The following DLG2 variants were observed in gnomAD, a reference collection of about 807,000 sequenced individuals.
The protein encoded by DLG2 is discs large MAGUK scaffold protein 2, also known as disks large homolog 2.
Under a neutral mutation model 132.5 loss-of-function variants are expected in DLG2, and 45 were observed. That is an observed-to-expected ratio of 0.34 (90% CI 0.27 to 0.44). DLG2 has a LOEUF of 0.44. Ranked by LOEUF, DLG2 falls within the 20% of genes least tolerant of loss-of-function variation. The pLI is 1.00. For missense variants in DLG2, 1,045 were observed against 1,196.9 expected (o/e 0.87, Z 1.87); for synonymous variants, 424 against 419.6 (o/e 1.01, Z -0.13).
intron 11 of DLG2, among the ~76,000 whole-genome samples, chr11:83,986,159 T>G (rs1319237108): frequency 2.6e-5 from 4 of 151,710 alleles, no homozygotes; most frequent in South Asian, 2.1e-4. Context: ...GCTGCACCCA[T>G]TAACTCGTCA....
chr11:84,603,593 A>C (rs1371879902), intron 6 of DLG2, among the ~76,000 whole-genome samples: 2 of 151,956 alleles, frequency 1.3e-5, no homozygotes, highest in African/African-American at 4.8e-5. Flanking sequence ...CTAGTCACTC[A>C]TCCTCTTAAT....
chr11:83,542,475 G>A (rs189685309), intron 19 of DLG2, among the ~76,000 whole-genome samples: 415 of 152,238 alleles, frequency 2.7e-3, no homozygotes, highest in East Asian at 4.4e-3. Flanking sequence ...AAATCTATGC[G>A]TATGTGTGTG....
chr11:84,874,850 G>A (rs541109610), intron 6 of DLG2, among the ~76,000 whole-genome samples: 8 of 151,892 alleles, frequency 5.3e-5, no homozygotes, highest in Non-Finnish European at 8.8e-5. Context: ...GTGAAACCCC[G>A]TCTCCACTAA....
intron 7 of DLG2, among the ~76,000 whole-genome samples, chr11:84,283,843 T>C (rs1404822469): frequency 6.6e-6 from 1 of 152,148 alleles, no homozygotes; most frequent in Non-Finnish European, 1.5e-5. Context: ...CCTAAATAGA[T>C]AAAAGCTAAT....
chr11:85,274,175 G>A (rs925520684), intron 4 of DLG2, among the ~76,000 whole-genome samples: 6 of 152,222 alleles, frequency 3.9e-5, no homozygotes, highest in Admixed American at 3.9e-4. Context: ...AATGGGTGCA[G>A]CACACCAACA....
At chr11:84,644,839 G>A (rs1031150847) in intron 6 of DLG2, among the ~76,000 whole-genome samples, 3 of 152,098 alleles carry the variant, frequency 2.0e-5, no homozygotes, top group Admixed American at 6.5e-5. Context: ...GTGCCTGAGC[G>A]CTGTGTGGCT....
At chr11:84,955,685 C>T (rs1262469297) in intron 6 of DLG2, 1 of 152,148 alleles carries the variant, frequency 6.6e-6, no homozygotes, top group Non-Finnish European at 1.5e-5. Context: ...TGTGCTTTCT[C>T]AATAAATGAT....
At chr11:85,498,902 G>T (rs1022806676) in intron 3 of DLG2, among the ~76,000 whole-genome samples, 1 of 152,148 alleles carries the variant, frequency 6.6e-6, no homozygotes, top group Non-Finnish European at 1.5e-5. Context: ...TGAGAACAAG[G>T]ACACCATGTA....
intron 7 of DLG2, among the ~76,000 whole-genome samples, chr11:84,424,857 C>T (rs185487500): frequency 6.4e-4 from 98 of 152,060 alleles, no homozygotes; most frequent in African/African-American, 2.3e-3. Flanking sequence ...GGTGTGCAAT[C>T]AGGCATGATC....
Position 83,457,207 on chromosome 11 carries a change from A to G in DLG2, c.*2611T>C, listed in dbSNP as rs1009554687. ...AGCACCAGTCTGGCCCCAGGCTCCG[A>G]GTGCATTTGCACCAGATGTAATCTG... On this transcript the variant is annotated 3_prime_UTR_variant, in exon 28 of 28. Coordinates refer to ENST00000376104, the MANE Select transcript of DLG2 (RefSeq NM_001142699.3). 6.6e-6 allele frequency: 1 copy of G among 152,608 alleles called. No individual in the cohort carries two copies. Among genetic ancestry groups the G allele is most frequent in the Non-Finnish European group, 1.5e-5 (1 of 68,042 alleles). 9.5% of individuals were successfully genotyped at this position (152,608 alleles called of 1,614,324 possible).
intron 4 of DLG2, among the ~76,000 whole-genome samples, chr11:85,226,048 T>C (rs1049018193): frequency 6.6e-6 from 1 of 152,026 alleles, no homozygotes; most frequent in Non-Finnish European, 1.5e-5. Context: ...TTAATCAAAA[T>C]TGAATTTCCA....
At chr11:85,422,987 G>C (rs1158358069) in intron 3 of DLG2, among the ~76,000 whole-genome samples, 2 of 151,198 alleles carry the variant, frequency 1.3e-5, no homozygotes, top group African/African-American at 2.4e-5. Flanking sequence ...TTTTGAGCTA[G>C]TGTGATTTCT....
At position 84,550,520 on chromosome 11, in the gene DLG2, T is replaced by G. The variant is rs139580210; in HGVS notation, c.358-15789A>C. Among the ~76,000 whole-genome samples the G allele has an allele frequency of 6.6e-5, 10 of 152,258 alleles. No individual in the cohort carries two copies. In the East Asian group the frequency reaches 1.9e-3, roughly 29 times the overall value. On this transcript the variant is annotated intron_variant, in intron 6 of 27. Transcript: ENST00000376104. ...AAGCTACTCTTCCTAACCATGTGAG[T>G]TTTTGGACTTCAGAACCTACCTGTG...
chr11:84,928,049 A>G (rs760351261), intron 6 of DLG2, among the ~76,000 whole-genome samples: 1 of 151,962 alleles, frequency 6.6e-6, no homozygotes, highest in African/African-American at 2.4e-5. Flanking sequence ...AAATAGGAAG[A>G]TATCAACTCC....
chr11:83,498,299 T>C (rs1248038544), intron 21 of DLG2, among the ~76,000 whole-genome samples: 3 of 152,096 alleles, frequency 2.0e-5, no homozygotes, highest in Non-Finnish European at 4.4e-5. Flanking sequence ...CCAATTTTAA[T>C]AGTAATAGAC....
chr11:84,538,278 A>T (rs1381158987), intron 6 of DLG2, among the ~76,000 whole-genome samples: 1 of 152,216 alleles, frequency 6.6e-6, no homozygotes, highest in Non-Finnish European at 1.5e-5. Flanking sequence ...AGAGGGGATG[A>T]TGTTTGAGGG....
At chr11:83,871,071 G>C (rs1053543846) in intron 16 of DLG2, among the ~76,000 whole-genome samples, 1 of 152,094 alleles carries the variant, frequency 6.6e-6, no homozygotes, top group African/African-American at 2.4e-5. Flanking sequence ...GAAACCATTT[G>C]GCCTTTGATG....
intron 3 of DLG2, among the ~76,000 whole-genome samples, chr11:85,531,439 T>G (rs2075203250): frequency 6.6e-6 from 1 of 152,252 alleles, no homozygotes; most frequent in Admixed American, 6.5e-5. Context: ...TTTTTATATC[T>G]GCTTTGTGCC....
chr11:84,952,592 T>TAA (rs377700153), intron 6 of DLG2, among the ~76,000 whole-genome samples: 69 of 141,728 alleles, frequency 4.9e-4, no homozygotes, highest in Non-Finnish European at 7.9e-4. Flanking sequence ...AGTTTAATAT[T>TAA]AAAAAAAAAA....
Sources: gnomAD v4.1 joint callset for allele counts (sites outside exome capture counted in the v4.1 genomes callset) on GRCh38, gnomAD v4.1.1 for gene constraint, MANE v1.5 for transcripts, NCBI Gene and HGNC (gene_info 2026-07-23, HGNC 2026-07-21) for gene names.